The following LRMDA variants were observed in gnomAD, a reference collection of about 807,000 sequenced individuals.
LRMDA encodes the protein leucine rich melanocyte differentiation associated.
A neutral mutation model predicts 29.8 loss-of-function variants in LRMDA; 18 were observed. The ratio of observed to expected loss-of-function variants is 0.60; its 90% confidence interval spans 0.42 to 0.90. The LOEUF is 0.90. Among genes scored for constraint, LRMDA ranks in the 40% least tolerant of loss-of-function variants. LRMDA has a pLI of 0.00. For missense variants in LRMDA, 273 were observed against 273.9 expected (o/e 1.00, Z 0.02); for synonymous variants, 125 against 109.4 (o/e 1.14, Z -0.89).
chr10:76,394,564 G>A (rs1462535195), intron 6 of LRMDA, among the ~76,000 whole-genome samples: 4 of 152,076 alleles, frequency 2.6e-5, no homozygotes, highest in Non-Finnish European at 5.9e-5. Flanking sequence ...TGGCTCCTTG[G>A]ATGAAGGCCC....
intron 2 of LRMDA, among the ~76,000 whole-genome samples, chr10:75,767,991 G>A (rs1843191095): frequency 6.6e-6 from 1 of 152,234 alleles, no homozygotes; most frequent in African/African-American, 2.4e-5. Context: ...GTCAAGGAAT[G>A]CTGCAGGCAG....
At chr10:76,144,568 T>C (rs1183969781) in intron 5 of LRMDA, among the ~76,000 whole-genome samples, 2 of 152,306 alleles carry the variant, frequency 1.3e-5, no homozygotes, top group South Asian at 2.1e-4. Context: ...GCTGAAGTTG[T>C]TTATCAGCTT....
intron 6 of LRMDA, among the ~76,000 whole-genome samples, chr10:76,452,559 A>G (rs1230671995): frequency 2.0e-5 from 3 of 152,174 alleles, no homozygotes; most frequent in Non-Finnish European, 4.4e-5. Context: ...GAAAGCTGGT[A>G]CAAAGATGTG....
chr10:76,248,173 A>G (rs955325511), intron 5 of LRMDA, among the ~76,000 whole-genome samples: 3 of 152,112 alleles, frequency 2.0e-5, no homozygotes, highest in Non-Finnish European at 4.4e-5. Context: ...ATACATTTTT[A>G]ATTTTTGTAC....
At chr10:75,490,188 C>G (rs183715413) in intron 2 of LRMDA, among the ~76,000 whole-genome samples, 432 of 152,312 alleles carry the variant, frequency 2.8e-3, no homozygotes, top group Admixed American at 6.7e-3. Flanking sequence ...AGCCAGTCGT[C>G]TGGTTTCAAA....
At chr10:75,576,878 G>A (rs186768538) in intron 2 of LRMDA, among the ~76,000 whole-genome samples, 9 of 152,294 alleles carry the variant, frequency 5.9e-5, no homozygotes, top group Admixed American at 1.3e-4. Context: ...GACCCCAGCC[G>A]AAGGTCACCG....
intron 2 of LRMDA, among the ~76,000 whole-genome samples, chr10:75,860,992 G>T (rs978726708): frequency 3.3e-5 from 5 of 152,164 alleles, no homozygotes; most frequent in African/African-American, 1.2e-4. Context: ...TAGAAATAAG[G>T]TTATAAGATA....
chr10:76,393,504 A>G (rs1452562685), intron 6 of LRMDA, among the ~76,000 whole-genome samples: 1 of 152,016 alleles, frequency 6.6e-6, no homozygotes, highest in Non-Finnish European at 1.5e-5. Flanking sequence ...CCATATTTTA[A>G]TTGGGTTGTT....
intron 2 of LRMDA, among the ~76,000 whole-genome samples, chr10:75,493,510 GCTCTGAAGCTACC>G (rs1358996790): frequency 6.6e-6 from 1 of 152,090 alleles, no homozygotes; most frequent in Non-Finnish European, 1.5e-5. Context: ...GGGCCACCAC[GCTCTGAAGCTACC>G]CTTCTGAAGA....
chr10:75,614,362 T>C (rs1370582184), intron 2 of LRMDA, among the ~76,000 whole-genome samples: 1 of 152,168 alleles, frequency 6.6e-6, no homozygotes, highest in African/African-American at 2.4e-5. Context: ...GGATGATGTA[T>C]GTGGCGGCTG....
Position 75,807,436 on chromosome 10 carries a change from C to T in LRMDA, c.132-228572C>T, listed in dbSNP as rs186052009. On this transcript the variant is annotated intron_variant, in intron 2 of 6. Coordinates refer to ENST00000611255, the MANE Select transcript of LRMDA (RefSeq NM_001305581.2). ...CAAAGGGTCTAAAATTCAGTGCTTC[C>T]CCCAAGCAGCCTAGCTCCTTCAAAT... Among the ~76,000 whole-genome samples the T allele has an allele frequency of 1.2e-3, 183 of 152,328 alleles. 3 individuals are homozygous for T. The East Asian group carries it at 0.025, about 21-fold the overall frequency.
intron 5 of LRMDA, among the ~76,000 whole-genome samples, chr10:76,300,230 G>A (rs181676837): frequency 6.6e-6 from 1 of 152,302 alleles, no homozygotes; most frequent in African/African-American, 2.4e-5. Flanking sequence ...GAGATCTGTA[G>A]TCATCAAAGG....
At chr10:76,527,217 G>A (rs968512048) in intron 6 of LRMDA, among the ~76,000 whole-genome samples, 1 of 152,046 alleles carries the variant, frequency 6.6e-6, no homozygotes, top group African/African-American at 2.4e-5. Flanking sequence ...CCAGCTCATG[G>A]TGAATGTGCT....
intron 2 of LRMDA, chr10:75,451,164 G>A (rs1199129485): frequency 6.6e-6 from 1 of 152,186 alleles, no homozygotes; most frequent in Non-Finnish European, 1.5e-5. Flanking sequence ...TGTGAATGCT[G>A]CTGTTTAATT....
chr10:75,886,137 A>G (rs1845383299), intron 2 of LRMDA, among the ~76,000 whole-genome samples: 1 of 152,226 alleles, frequency 6.6e-6, no homozygotes, highest in African/African-American at 2.4e-5. Context: ...AGTGACAACC[A>G]GCAGCCCCAT....
At chr10:75,970,637 C>T (rs766334050) in intron 2 of LRMDA, among the ~76,000 whole-genome samples, 2 of 152,156 alleles carry the variant, frequency 1.3e-5, no homozygotes, top group African/African-American at 2.4e-5. Context: ...CTCTCAGGTA[C>T]CCCTGGGGAC....
intron 2 of LRMDA, among the ~76,000 whole-genome samples, chr10:75,881,125 T>C (rs956185263): frequency 2.0e-5 from 3 of 152,158 alleles, no homozygotes; most frequent in African/African-American, 7.2e-5. Context: ...TGCTAATTTT[T>C]CCCATAGTCA....
At chr10:75,683,104 G>T (rs972989326) in intron 2 of LRMDA, among the ~76,000 whole-genome samples, 2 of 152,090 alleles carry the variant, frequency 1.3e-5, no homozygotes, top group African/African-American at 2.4e-5. Flanking sequence ...CTTTCTACAG[G>T]CCCAAACAAA....
chr10:75,519,579 C>T (rs557983189), intron 2 of LRMDA, among the ~76,000 whole-genome samples: 60 of 152,274 alleles, frequency 3.9e-4, no homozygotes, highest in Non-Finnish European at 7.9e-4. Flanking sequence ...TGTGTCTCTG[C>T]ACTTGAGATG....
Sources: gnomAD v4.1 joint callset for allele counts (sites outside exome capture counted in the v4.1 genomes callset) on GRCh38, gnomAD v4.1.1 for gene constraint, MANE v1.5 for transcripts, NCBI Gene and HGNC (gene_info 2026-07-23, HGNC 2026-07-21) for gene names.